Variants in RYR3 observed in about 807,000 individuals in gnomAD.
RYR3 encodes brain ryanodine receptor-calcium release channel.
A neutral mutation model predicts 584.3 loss-of-function variants in RYR3; 207 were observed. The ratio of observed to expected loss-of-function variants is 0.35; its 90% CI spans 0.32 to 0.40. The LOEUF (loss-of-function observed/expected upper bound fraction) is 0.40, where lower values mean the gene tolerates loss of function less well. RYR3 is among the 10% of genes least tolerant of loss of function. The probability of loss-of-function intolerance (pLI) is 1.00; values close to 1 mark genes in which losing one functional copy is unlikely to be tolerated. For missense variants in RYR3, 5,616 were observed against 6,089.2 expected, an observed-to-expected ratio of 0.92 and a Z score of 2.59; for synonymous variants, 2,416 against 2,248.5, an observed-to-expected ratio of 1.07 and a Z score of -2.11.
intron 1 of RYR3, among the ~76,000 whole-genome samples, chr15:33,380,024 C>T (rs2041068109): frequency 6.6e-6 from 1 of 152,136 alleles, no homozygotes; most frequent in Non-Finnish European, 1.5e-5. Flanking sequence ...GTTATCCTAC[C>T]TGCTTTGTTC....
chr15:33,624,464 T>C (rs2060883188), intron 20 of RYR3, among the ~76,000 whole-genome samples: 1 of 152,072 alleles, frequency 6.6e-6, no homozygotes, highest in South Asian at 2.1e-4. Context: ...AAAGCTTAAA[T>C]GGGGAGGGAG....
intron 8 of RYR3, among the ~76,000 whole-genome samples, chr15:33,544,319 C>T (rs994034970): frequency 6.6e-6 from 1 of 151,766 alleles, no homozygotes; most frequent in African/African-American, 2.4e-5. Flanking sequence ...AAAGCTTGGC[C>T]TTGTAACTAT....
intron 3 of RYR3, among the ~76,000 whole-genome samples, chr15:33,530,199 C>A (rs746493714): frequency 6.6e-6 from 1 of 152,240 alleles, no homozygotes; most frequent in Non-Finnish European, 1.5e-5. Context: ...CCGCCTGCCA[C>A]ACTGCCTTTG....
chr15:33,773,755 T>A lies in RYR3; in HGVS notation c.9137+140T>A. On this transcript the variant is annotated intron_variant, in intron 64 of 103. Transcript: ENST00000634891. ...CAGAATGGTGGTTTTGAGCCTTGTT[T>A]ATGACATGCTTTTGGCAATGTAAAG... 7.5e-6 allele frequency: 5 copies of A among 664,172 alleles called. No individual in the cohort carries two copies. In the South Asian group the frequency reaches 8.6e-5, roughly 11 times the overall value. The allele number at this position is 664,172 out of a possible 1,614,324, so 41.1% of individuals were successfully genotyped here. A position where few individuals can be genotyped will look rare whatever the true frequency, so the allele number is the denominator to read the frequency against.
intron 1 of RYR3, among the ~76,000 whole-genome samples, chr15:33,413,760 A>G (rs1180485980): frequency 2.0e-5 from 3 of 152,098 alleles, no homozygotes; most frequent in Admixed American, 2.0e-4. Flanking sequence ...CCCCTGAGTC[A>G]TTCTTTGCCA....
chr15:33,859,750 T>C lies in RYR3; in HGVS notation c.14299+19T>C, dbSNP rs1353667092. 1.9e-6 allele frequency: 3 copies of C among 1,596,344 alleles called. No individual in the cohort carries two copies. The highest frequency in any genetic ancestry group is 4.5e-5 in the East Asian group (2 of 44,638). On this transcript the variant is annotated intron_variant, in intron 100 of 103. Transcript: ENST00000634891. ...ATTCAAGGTATGATTGCCAATTGTG[T>C]TGAGTATGAACAGGGTTTAATCTAG...
intron 7 of RYR3, among the ~76,000 whole-genome samples, chr15:33,541,730 A>G (rs758019964): frequency 1.3e-5 from 2 of 152,226 alleles, no homozygotes; most frequent in African/African-American, 4.8e-5. Flanking sequence ...GTGATACCCC[A>G]GTTTCAGAAT....
At chr15:33,569,065 TATAG>T (rs1384613496) in intron 12 of RYR3, among the ~76,000 whole-genome samples, 2 of 152,304 alleles carry the variant, frequency 1.3e-5, no homozygotes, top group Admixed American at 1.3e-4. Flanking sequence ...GAAAGATCTA[TATAG>T]ATAGAGATGC....
intron 2 of RYR3, among the ~76,000 whole-genome samples, chr15:33,474,736 A>G (rs981172359): frequency 2.0e-5 from 3 of 152,206 alleles, no homozygotes; most frequent in African/African-American, 7.2e-5. Context: ...ACATTTTCCA[A>G]AAGACCCACC....
chr15:33,865,434 TGTC>T lies in RYR3; in HGVS notation c.*210_*212del, dbSNP rs1293252819. Reference sequence around the variant, plus strand: ...CACTGTGGGAGAGAACCTGTCAAAATGTCGAAGAAGGAAGGCGAAGAATCAAGT... The same window carrying T: ...CACTGTGGGAGAGAACCTGTCAAAATGAAGAAGGAAGGCGAAGAATCAAGT... On this transcript the variant is annotated 3_prime_UTR_variant, in exon 104 of 104. Transcript: ENST00000634891. 1.8e-5 allele frequency: 9 copies of T among 508,866 alleles called. No homozygotes were observed. The highest frequency in any genetic ancestry group is 1.5e-4 in the African/African-American group (8 of 52,248). The allele number at this position is 508,866 out of a possible 1,614,324, so 31.5% of individuals were successfully genotyped here.
intron 37 of RYR3, among the ~76,000 whole-genome samples, chr15:33,669,857 G>GGGGGGGGGGGGGGGGTGGT (rs1555401713): frequency 3.3e-5 from 2 of 60,254 alleles, no homozygotes; most frequent in Admixed American, 2.3e-4. Context: ...GGGGGGGGGG[G>GGGGGGGGGGGGGGGGTGGT]GTGTGGGTGT....
At position 33,864,202 on chromosome 15, in the gene RYR3, G is replaced by T. The variant is rs369233619; in HGVS notation, c.14517+13G>T. On this transcript the variant is annotated intron_variant, in intron 103 of 103. Coordinates refer to ENST00000634891, the MANE Select transcript of RYR3 (RefSeq NM_001036.6). The stretch of plus-strand genomic sequence containing the variant: ...GCACACGGGTCAGGTGAGAAATTAA[G>T]AATCATATACCCGTGTTAGATCTCC... 5 of 1,601,336 alleles carry T rather than the reference G, an allele frequency of 3.1e-6. No individual in the cohort carries two copies. The South Asian group carries it at 4.5e-5, about 14-fold the overall frequency.
At chr15:33,375,811 T>G (rs2040682477) in intron 1 of RYR3, among the ~76,000 whole-genome samples, 1 of 152,208 alleles carries the variant, frequency 6.6e-6, no homozygotes, top group East Asian at 1.9e-4. Context: ...ATGCCTGTAA[T>G]CCCAGCACTC....
At position 33,623,460 on chromosome 15, in the gene RYR3, A is replaced by G. The variant is rs572697287; in HGVS notation, c.2358-347A>G. 3.9e-5 allele frequency among the ~76,000 whole-genome samples: 6 copies of G among 152,360 alleles called. 1 individual carries two copies. Among genetic ancestry groups the G allele is most frequent in the African/African-American group, 1.4e-4 (6 of 41,586 alleles). On this transcript the variant is annotated intron_variant, in intron 19 of 103. Coordinates refer to ENST00000634891, the MANE Select transcript of RYR3 (RefSeq NM_001036.6). ...AATTTTTATATGATCTTTACAGAGAATAATCTCATCACTATTATGTTTTTC... is the reference window on the plus strand; with the variant it reads ...AATTTTTATATGATCTTTACAGAGAGTAATCTCATCACTATTATGTTTTTC...
At chr15:33,670,331 T>A in intron 37 of RYR3, 88 bp from the exon 38 acceptor site, 1 of 1,361,318 alleles carries the variant, frequency 7.3e-7, no homozygotes, top group Non-Finnish European at 1.0e-6. Flanking sequence ...TCCAGAAGGA[T>A]GGGAAGCAGT....
chr15:33,806,266 G>A (rs947101089), intron 69 of RYR3, among the ~76,000 whole-genome samples: 1 of 152,138 alleles, frequency 6.6e-6, no homozygotes, highest in Non-Finnish European at 1.5e-5. Flanking sequence ...AAAATCAACT[G>A]TCTAATCATT....
At chr15:33,420,569 C>T (rs777853220) in intron 1 of RYR3, among the ~76,000 whole-genome samples, 17 of 152,004 alleles carry the variant, frequency 1.1e-4, no homozygotes, top group South Asian at 2.1e-4. Flanking sequence ...ATTTTGCAGA[C>T]GAAGTTAAGG....
intron 37 of RYR3, among the ~76,000 whole-genome samples, chr15:33,669,710 A>G (rs1047660322): frequency 1.5e-4 from 23 of 152,194 alleles, no homozygotes; most frequent in African/African-American, 5.5e-4. Flanking sequence ...CAGGGTTTCT[A>G]GCAAAAGAAT....
At chr15:33,410,310 T>G (rs16970702) in intron 1 of RYR3, among the ~76,000 whole-genome samples, 12,802 of 152,246 alleles carry the variant, frequency 0.084, 617 homozygotes, top group African/African-American at 0.11. Context: ...TGAGAACACT[T>G]GGTTTGGCAG....
Sources: gnomAD v4.1 joint callset for allele counts (sites outside exome capture counted in the v4.1 genomes callset) on GRCh38, gnomAD v4.1.1 for gene constraint, MANE v1.5 for transcripts, NCBI Gene and HGNC (gene_info 2026-07-23, HGNC 2026-07-21) for gene names.